TMEM200C: variants seen among roughly 807,000 people sequenced by gnomAD.
The protein encoded by TMEM200C is transmembrane protein 200C, also known as transmembrane protein TTMA.
For missense variants in TMEM200C, 966 were observed against 699.9 expected (o/e 1.38, Z -4.29); for synonymous variants, 462 against 324.7 (o/e 1.42, Z -4.55).
exon 3 of TMEM200C, chr18:5,882,678 C>T (rs953594968): frequency 2.0e-5 from 3 of 152,192 alleles, no homozygotes; most frequent in Non-Finnish European, 4.4e-5. Context: ...GCTCAAATTA[C>T]TTTTCGGTCT....
Position 5,891,694 on chromosome 18 carries a change from T to A in TMEM200C, c.370A>T (p.Asn124Tyr), listed in dbSNP as rs747698780. Residue 124 changes from asparagine (N) to tyrosine (Y), a missense_variant, in exon 3 of 3, where the codon AAC becomes TAC. Coordinates refer to ENST00000581347, the Ensembl canonical transcript of TMEM200C. This position sits in a 1 kb window ranked among gnomAD's most constrained non-coding sequence, Gnocchi z 4.7. Reference sequence around the variant, plus strand: ...CTGGGCGCGCCCGCGGAACTGGAGTTGACACCCCCTGGAGCCCTAGGGTGG... The same window carrying A: ...CTGGGCGCGCCCGCGGAACTGGAGTAGACACCCCCTGGAGCCCTAGGGTGG... The A allele has an allele frequency of 6.2e-7, 1 of 1,613,572 alleles. No homozygotes were observed. Among genetic ancestry groups the A allele is most frequent in the South Asian group, 1.1e-5 (1 of 91,078 alleles).
chr18:5,891,298 A>G lies in TMEM200C; in HGVS notation c.766T>C (p.Ser256Pro). The G allele has an allele frequency of 7.1e-7, 1 of 1,415,750 alleles. No individual in the cohort carries two copies. Among genetic ancestry groups the G allele is most frequent in the Non-Finnish European group, 9.3e-7 (1 of 1,079,516 alleles). 87.7% of individuals were successfully genotyped at this position (1,415,750 alleles called of 1,614,324 possible). Residue 256 changes from serine (S) to proline (P), a missense_variant, in exon 3 of 3, where the codon TCG becomes CCG. Transcript: ENST00000581347. This position sits in a 1 kb window ranked among gnomAD's most constrained non-coding sequence, Gnocchi z 4.7. ...CCGGGCTTCAGCTCCAGGCCCCGCG[A>G]CTGCACGTAGCTGAGGAAGCCGTTG...
intron 2 of TMEM200C, among the ~76,000 whole-genome samples, chr18:5,893,248 T>C (rs2095172929): frequency 1.3e-5 from 2 of 152,230 alleles, no homozygotes; most frequent in South Asian, 4.1e-4. Flanking sequence ...CATAATATGA[T>C]GATTTGTAGA....
exon 3 of TMEM200C, chr18:5,882,796 A>G (rs2095162722): frequency 6.6e-6 from 1 of 152,184 alleles, no homozygotes. Flanking sequence ...GTTCTCAGGC[A>G]TGAAGCTGAA....
exon 3 of TMEM200C, chr18:5,892,004 G>C (rs2095171771): frequency 6.2e-7 from 1 of 1,613,868 alleles, no homozygotes; most frequent in South Asian, 1.1e-5. Flanking sequence ...TCTGGCTTGG[G>C]GGGCGGAGTG....
chr18:5,886,280 G>A (rs1259224959), exon 3 of TMEM200C: 1 of 152,160 alleles, frequency 6.6e-6, no homozygotes, highest in African/African-American at 2.4e-5. Context: ...ATAGGGGGCT[G>A]AGACCTCAAG....
rs758466393 is a variant in TMEM200C, at chr18:5,890,204, G to C, written c.1860C>G (p.Gly620=). The change falls in exon 3 of 3, where the codon GGC becomes GGG. Residue 620 remains glycine, a synonymous_variant. Transcript: ENST00000581347. ...CCCCAACCCACCCCTTTCTCTAAATGCCTGTGCTTTCCAGTTCTTCTTCTA... is the reference window on the plus strand; with the variant it reads ...CCCCAACCCACCCCTTTCTCTAAATCCCTGTGCTTTCCAGTTCTTCTTCTA... The C allele has an allele frequency of 2.6e-6, 4 of 1,545,358 alleles. No individual in the cohort carries two copies. The Admixed American group carries it at 7.3e-5, about 28-fold the overall frequency.
exon 3 of TMEM200C, chr18:5,886,124 T>C (rs957118742): frequency 4.6e-5 from 7 of 152,088 alleles, no homozygotes; most frequent in African/African-American, 1.7e-4. Flanking sequence ...TCAGAGGGTT[T>C]TTCTTAAGTT....
Position 5,891,440 on chromosome 18 carries a change from G to A in TMEM200C, c.624C>T (p.Ile208=), listed in dbSNP as rs1024430535. The A allele has an allele frequency of 7.7e-6, 12 of 1,552,538 alleles. No homozygotes were observed. Among genetic ancestry groups the A allele is most frequent in the Middle Eastern group, 1.7e-4 (1 of 5,992 alleles). The change falls in exon 3 of 3, where the codon ATC becomes ATT. Residue 208 remains isoleucine (I), a synonymous_variant. Coordinates refer to ENST00000581347, the Ensembl canonical transcript of TMEM200C. The surrounding 1 kb of genome is among the most constrained non-coding windows in gnomAD (Gnocchi z 4.7). Reference sequence around the variant, plus strand: ...CTTTGGCGCGGAGGCTGTGCACGTCGATGACGGTGGAGTAGAGGTCCCGCA... The same window carrying A: ...CTTTGGCGCGGAGGCTGTGCACGTCAATGACGGTGGAGTAGAGGTCCCGCA...
exon 3 of TMEM200C, chr18:5,885,277 A>G (rs1326691321): frequency 1.3e-5 from 2 of 152,034 alleles, no homozygotes; most frequent in Admixed American, 1.3e-4. Context: ...ACTTGGTCAC[A>G]ATGTAGGATC....
At position 5,891,413 on chromosome 18, in the gene TMEM200C, G is replaced by T. The variant is rs2095170934; in HGVS notation, c.651C>A (p.Asp217Glu). The T allele has an allele frequency of 2.7e-6, 4 of 1,495,480 alleles. No individual in the cohort carries two copies. Among genetic ancestry groups the T allele is most frequent in the Non-Finnish European group, 3.6e-6 (4 of 1,120,838 alleles). The allele number at this position is 1,495,480 out of a possible 1,614,324, so 92.6% of individuals were successfully genotyped here. Residue 217 changes from aspartate (D) to glutamate (E), a missense_variant, in exon 3 of 3, where the codon GAC (aspartate) becomes GAA (glutamate). Asp to Glu is a conservative substitution (Grantham distance 45). Transcript: ENST00000581347. The surrounding 1 kb of genome is among the most constrained non-coding windows in gnomAD (Gnocchi z 4.7). The stretch of plus-strand genomic sequence containing the variant: ...CGGCGGCGGCCGCGGCGGCCGCCAG[G>T]TCTTTGGCGCGGAGGCTGTGCACGT...
In TMEM200C at chr18:5,891,946, C is replaced by A. The variant is rs753564604; in HGVS notation, c.118G>T (p.Val40Leu). Reference sequence around the variant, plus strand: ...AGCTTCAGCTTGCCTTTCACCACCACCACGTCGTTCTTGCGCCTCTTCTTG... The same window carrying A: ...AGCTTCAGCTTGCCTTTCACCACCAACACGTCGTTCTTGCGCCTCTTCTTG... The change falls in exon 3 of 3, where the codon GTG becomes TTG. Residue 40 changes from valine (V) to leucine (L), a missense_variant. By Grantham distance (32) the Val-to-Leu change is conservative. Coordinates refer to ENST00000581347, the Ensembl canonical transcript of TMEM200C. The surrounding 1 kb of genome is among the most constrained non-coding windows in gnomAD (Gnocchi z 4.7). 6.2e-7 allele frequency: 1 copy of A among 1,613,970 alleles called. No individual in the cohort carries two copies. Among genetic ancestry groups the A allele is most frequent in the Middle Eastern group, 1.6e-4 (1 of 6,062 alleles).
rs1174142715 is a variant in TMEM200C at position 5,891,211 on chromosome 18, G to C, written c.853C>G (p.Pro285Ala). 1.7e-6 allele frequency: 2 copies of C among 1,145,150 alleles called. No homozygotes were observed. Among genetic ancestry groups the C allele is most frequent in the Non-Finnish European group, 2.3e-6 (2 of 885,652 alleles). 70.9% of individuals were successfully genotyped at this position (1,145,150 alleles called of 1,614,324 possible). The change falls in exon 3 of 3, where the codon CCT (proline) becomes GCT (alanine). Residue 285 changes from proline to alanine, a missense_variant. Pro to Ala is a conservative substitution (Grantham distance 27). Coordinates refer to ENST00000581347, the Ensembl canonical transcript of TMEM200C. This position sits in a 1 kb window ranked among gnomAD's most constrained non-coding sequence, Gnocchi z 4.7. ...CCGCTCGGCGCCGCGGGGTGAGGAG[G>C]CCACGAGCCCTTGGCCAGCATCGCC...
At position 5,891,384 on chromosome 18, in the gene TMEM200C, G is replaced by T; in HGVS notation, c.680C>A (p.Ala227Asp). 7.6e-7 allele frequency: 1 copy of T among 1,321,672 alleles called. No homozygotes were observed. The allele number at this position is 1,321,672 out of a possible 1,614,324, so 81.9% of individuals were successfully genotyped here. The change falls in exon 3 of 3, where the codon GCC (alanine) becomes GAC (aspartate). Residue 227 changes from alanine (A) to aspartate (D), a missense_variant. By Grantham distance (126) the Ala-to-Asp change is moderately radical. Coordinates refer to ENST00000581347, the Ensembl canonical transcript of TMEM200C. This position sits in a 1 kb window ranked among gnomAD's most constrained non-coding sequence, Gnocchi z 4.7. The stretch of plus-strand genomic sequence containing the variant: ...AGACGACGACGAAGAGGCGGCGGCG[G>T]CCGCGGCGGCGGCCGCGGCGGCCGC...
chr18:5,890,208 G>C, exon 3 of TMEM200C: 4 of 1,551,558 alleles, frequency 2.6e-6, no homozygotes, highest in Non-Finnish European at 3.5e-6. Context: ...CTAAATGCCT[G>C]TGCTTTCCAG....
chr18:5,894,690 C>T (rs912808473), intron 2 of TMEM200C, among the ~76,000 whole-genome samples: 2 of 152,224 alleles, frequency 1.3e-5, no homozygotes, highest in Non-Finnish European at 2.9e-5. Flanking sequence ...CGGTACCCAA[C>T]CCAGGTCCTC....
chr18:5,885,811 TG>T (rs572296332), exon 3 of TMEM200C: 66 of 152,258 alleles, frequency 4.3e-4, no homozygotes, highest in African/African-American at 1.5e-3. Flanking sequence ...TGGGGTAGGG[TG>T]GGGTGTCTTA....
At chr18:5,882,883 C>T (rs1428097435) in exon 3 of TMEM200C, 2 of 152,048 alleles carry the variant, frequency 1.3e-5, no homozygotes, top group Non-Finnish European at 2.9e-5. Flanking sequence ...GTGCTCCAAA[C>T]ACATTAACCT....
At chr18:5,892,865 T>G (rs951690071) in intron 2 of TMEM200C, among the ~76,000 whole-genome samples, 10 of 152,220 alleles carry the variant, frequency 6.6e-5, no homozygotes, top group Non-Finnish European at 1.2e-4. Flanking sequence ...CACCTATGCC[T>G]GTTCCTACAG....
Sources: gnomAD v4.1 joint callset for allele counts (sites outside exome capture counted in the v4.1 genomes callset) on GRCh38, gnomAD v4.1.1 for gene constraint, Gnocchi (gnomAD v3.1) non-coding constraint, MANE v1.5 for transcripts, NCBI Gene and HGNC (gene_info 2026-07-23, HGNC 2026-07-21) for gene names.